The following LINGO2 variants were observed in gnomAD, a reference collection of about 807,000 sequenced individuals.
The protein encoded by LINGO2 is leucine-rich repeat and immunoglobulin-like domain-containing nogo receptor-interacting protein 2.
Under a neutral mutation model 30.6 loss-of-function variants are expected in LINGO2, and 14 were observed. That is an observed-to-expected ratio of 0.46 (90% confidence interval 0.30 to 0.72). The LOEUF is 0.72. Among genes scored for constraint, LINGO2 ranks in the 30% least tolerant of loss-of-function variants. The probability of loss-of-function intolerance (pLI) is 0.07; values close to 1 mark genes in which losing one functional copy is unlikely to be tolerated. For missense variants in LINGO2, 729 were observed against 751.7 expected, an observed-to-expected ratio of 0.97 and a Z score of 0.35; for synonymous variants, 317 against 288.5, an observed-to-expected ratio of 1.10 and a Z score of -1.00.
At chr9:28,870,493 T>C in the LINGO2 span, among the ~76,000 whole-genome samples, 1 of 152,168 alleles carries the variant, frequency 6.6e-6, no homozygotes, top group African/African-American at 2.4e-5. Context: ...ATAGCTTCTA[T>C]CAGGACCCCA....
intron 1 of LINGO2, among the ~76,000 whole-genome samples, chr9:28,512,099 C>G (rs1425776416): frequency 6.6e-6 from 1 of 152,120 alleles, no homozygotes; most frequent in African/African-American, 2.4e-5. Context: ...CTTGTGCCTT[C>G]AGGACCTGCT....
intron 2 of LINGO2, among the ~76,000 whole-genome samples, chr9:28,393,374 A>C (rs747882419): frequency 1.3e-5 from 2 of 152,218 alleles, no homozygotes; most frequent in Non-Finnish European, 2.9e-5. Context: ...CATTATTCCC[A>C]TTTCATATGC....
intron 1 of LINGO2, among the ~76,000 whole-genome samples, chr9:28,532,795 C>G (rs1181869240): frequency 6.6e-6 from 1 of 152,044 alleles, no homozygotes; most frequent in African/African-American, 2.4e-5. Flanking sequence ...CTCCTTCTGA[C>G]TACAAGTATC....
intron 4 of LINGO2, among the ~76,000 whole-genome samples, chr9:28,054,228 T>C (rs1417180559): frequency 6.6e-6 from 1 of 152,012 alleles, no homozygotes; most frequent in Non-Finnish European, 1.5e-5. Context: ...GACAGAAAAA[T>C]CCAAAGACCT....
chr9:28,789,097 G>A, the LINGO2 span, among the ~76,000 whole-genome samples: 103 of 152,000 alleles, frequency 6.8e-4, no homozygotes, highest in African/African-American at 2.5e-3. Flanking sequence ...TCAGATTTTG[G>A]ATAAACTTAG....
the LINGO2 span, among the ~76,000 whole-genome samples, chr9:29,073,650 G>T: frequency 1.3e-5 from 2 of 152,076 alleles, no homozygotes; most frequent in African/African-American, 2.4e-5. Context: ...TCCATAGTTG[G>T]AACAGAAACT....
intron 4 of LINGO2, among the ~76,000 whole-genome samples, chr9:28,219,729 A>G (rs1820892244): frequency 6.6e-6 from 1 of 152,208 alleles, no homozygotes; most frequent in Non-Finnish European, 1.5e-5. Flanking sequence ...AACAGCATTT[A>G]CAAAGTATGT....
At chr9:28,627,750 T>A (rs1826748116) in intron 1 of LINGO2, among the ~76,000 whole-genome samples, 1 of 152,052 alleles carries the variant, frequency 6.6e-6, no homozygotes, top group Admixed American at 6.6e-5. Context: ...AAATTGTCTA[T>A]AATGTGCATA....
intron 1 of LINGO2, among the ~76,000 whole-genome samples, chr9:28,530,608 C>T (rs1386183799): frequency 6.6e-6 from 1 of 151,968 alleles, no homozygotes; most frequent in Non-Finnish European, 1.5e-5. Flanking sequence ...GGGATTTCAG[C>T]CTTTATGGAG....
chr9:28,012,921 G>T (rs1481321538), intron 4 of LINGO2, among the ~76,000 whole-genome samples: 2 of 152,134 alleles, frequency 1.3e-5, no homozygotes, highest in East Asian at 1.9e-4. Context: ...CACTTGCAGC[G>T]CTTGTTAAGA....
intron 5 of LINGO2, among the ~76,000 whole-genome samples, chr9:27,993,872 G>T (rs56164170): frequency 6.6e-6 from 1 of 151,836 alleles, no homozygotes; most frequent in African/African-American, 2.4e-5. Flanking sequence ...TGAGCACCTG[G>T]AACATTTTGC....
At chr9:28,425,987 T>C (rs753679228) in intron 2 of LINGO2, among the ~76,000 whole-genome samples, 1 of 152,118 alleles carries the variant, frequency 6.6e-6, no homozygotes. Context: ...TAAATTCATC[T>C]ATAACTATAA....
chr9:29,078,750 T>C, the LINGO2 span, among the ~76,000 whole-genome samples: 2 of 151,966 alleles, frequency 1.3e-5, no homozygotes, highest in Admixed American at 1.3e-4. Context: ...TTAAGCCAGG[T>C]GGACAAAAAT....
At chr9:28,177,289 C>T (rs1828776336) in intron 4 of LINGO2, among the ~76,000 whole-genome samples, 1 of 152,142 alleles carries the variant, frequency 6.6e-6, no homozygotes, top group African/African-American at 2.4e-5. Context: ...GCTTGTCCAA[C>T]AGGGCTTACA....
the LINGO2 span, among the ~76,000 whole-genome samples, chr9:28,993,191 C>T: frequency 6.6e-6 from 1 of 151,970 alleles, no homozygotes; most frequent in Non-Finnish European, 1.5e-5. Flanking sequence ...GATATCACCA[C>T]CAATCCCACA....
intron 3 of LINGO2, among the ~76,000 whole-genome samples, chr9:28,370,099 T>C (rs1340343630): frequency 6.6e-6 from 1 of 152,180 alleles, no homozygotes; most frequent in Non-Finnish European, 1.5e-5. Context: ...AGATCTATAA[T>C]AAAAAGGAAA....
the LINGO2 span, among the ~76,000 whole-genome samples, chr9:28,843,720 T>C: frequency 4.0e-5 from 6 of 151,816 alleles, no homozygotes; most frequent in Non-Finnish European, 8.8e-5. Flanking sequence ...AGTGTGTTGT[T>C]AGTTTTGTTA....
the LINGO2 span, among the ~76,000 whole-genome samples, chr9:28,794,887 G>A: frequency 6.6e-6 from 1 of 150,744 alleles, no homozygotes; most frequent in Non-Finnish European, 1.5e-5. Flanking sequence ...CTGGAGTGCA[G>A]TGATGAGATC....
the LINGO2 span, among the ~76,000 whole-genome samples, chr9:28,713,924 G>A: frequency 3.9e-5 from 6 of 151,902 alleles, no homozygotes; most frequent in South Asian, 6.2e-4. Flanking sequence ...TTGGGAGGCC[G>A]AGGCAGGTGG....
Sources: gnomAD v4.1 joint callset for allele counts (sites outside exome capture counted in the v4.1 genomes callset) on GRCh38, gnomAD v4.1.1 for gene constraint, MANE v1.5 for transcripts, NCBI Gene and HGNC (gene_info 2026-07-23, HGNC 2026-07-21) for gene names.